The following SHOC1 variants were observed in gnomAD, a reference collection of about 807,000 sequenced individuals.
SHOC1 encodes protein shortage in chiasmata 1 ortholog.
Under a neutral mutation model 179.2 loss-of-function variants are expected in SHOC1, and 136 were observed. The ratio of observed to expected loss-of-function variants is 0.76; its 90% CI spans 0.66 to 0.87. The LOEUF (loss-of-function observed/expected upper bound fraction) is 0.87. Among genes scored for constraint, SHOC1 ranks in the 40% least tolerant of loss-of-function variants. The pLI is 0.00. For missense variants in SHOC1, 1,538 were observed against 1,700.8 expected, an observed-to-expected ratio of 0.90 and a Z score of 1.68; for synonymous variants, 489 against 586.6, an observed-to-expected ratio of 0.83 and a Z score of 2.41.
chr9:111,767,191 T>G (rs1390464026), intron 5 of SHOC1, among the ~76,000 whole-genome samples: 1 of 152,230 alleles, frequency 6.6e-6, no homozygotes, highest in African/African-American at 2.4e-5. Flanking sequence ...GCTTTTTAGC[T>G]TGATGTAAAC....
chr9:111,759,528 C>G, intron 5 of SHOC1: 3 of 1,189,200 alleles, frequency 2.5e-6, no homozygotes, highest in Non-Finnish European at 3.1e-6. Flanking sequence ...TCTTGGCTAG[C>G]TGTCTAACAG....
rs1300044037 is a variant in SHOC1, at chr9:111,748,739, GCCTT to G, written c.863-544_863-541del. ...CCTATCCCTTTTTTATCTTTTGCCT[GCCTT>G]CCTTTTTTCCTTCCTTCCTTTCCTT... On this transcript the variant is annotated intron_variant, in intron 8 of 27. Transcript: ENST00000682961. Among the ~76,000 whole-genome samples the G allele has an allele frequency of 2.5e-5, 3 of 121,188 alleles. No homozygotes were observed. In the East Asian group the frequency reaches 7.9e-4, roughly 32 times the overall value. 79.5% of individuals were successfully genotyped at this position (121,188 alleles called of 152,430 possible). A position where few individuals can be genotyped will look rare whatever the true frequency, so the allele number is the denominator to read the frequency against.
At chr9:111,756,832 G>A (rs1834883043) in intron 7 of SHOC1, among the ~76,000 whole-genome samples, 1 of 152,138 alleles carries the variant, frequency 6.6e-6, no homozygotes, top group Admixed American at 6.5e-5. Context: ...GGTGAGAAGT[G>A]AAATGAGATC....
At chr9:111,735,044 C>T (rs1042237133) in intron 12 of SHOC1, among the ~76,000 whole-genome samples, 4 of 152,088 alleles carry the variant, frequency 2.6e-5, no homozygotes, top group Non-Finnish European at 5.9e-5. Flanking sequence ...ATGTTTAGCT[C>T]CCACTAGAAC....
intron 27 of SHOC1, 149 bp downstream of exon 27, chr9:111,691,402 A>G: frequency 1.5e-6 from 1 of 668,272 alleles, no homozygotes; most frequent in Non-Finnish European, 2.4e-6. Context: ...CATTTATTTT[A>G]GAGTTTAGAT....
intron 12 of SHOC1, among the ~76,000 whole-genome samples, chr9:111,731,847 T>C (rs1833585117): frequency 6.6e-6 from 1 of 152,170 alleles, no homozygotes; most frequent in African/African-American, 2.4e-5. Context: ...TAATAAATTA[T>C]GATAATTCTA....
intron 12 of SHOC1, among the ~76,000 whole-genome samples, chr9:111,729,578 A>G (rs1833470826): frequency 6.6e-6 from 1 of 152,176 alleles, no homozygotes. Flanking sequence ...GACAGCATTT[A>G]CCCAGAGTAG....
chr9:111,692,560 T>C, intron 26 of SHOC1, 49 bp from the exon 27 acceptor site: 1 of 1,366,734 alleles, frequency 7.3e-7, no homozygotes, highest in Non-Finnish European at 1.0e-6. Context: ...TAAATATAAA[T>C]AATGATGCTT....
At position 111,733,817 on chromosome 9, in the gene SHOC1, G is replaced by A. The variant is rs944048111; in HGVS notation, c.1417+4463C>T. Among the ~76,000 whole-genome samples the A allele has an allele frequency of 7.6e-4, 115 of 151,226 alleles. 1 individual carries two copies. The highest frequency in any genetic ancestry group is 5.3e-4 in the Admixed American group (8 of 15,194). ...CAGGAGGTAGAGGTTGCAGTGAGCTGAGATCACGCCAACCTGGGCAACAGA... is the reference window on the plus strand; with the variant it reads ...CAGGAGGTAGAGGTTGCAGTGAGCTAAGATCACGCCAACCTGGGCAACAGA... On this transcript the variant is annotated intron_variant, in intron 12 of 27. Transcript: ENST00000682961.
At chr9:111,716,381 CTTTTTTTTTTT>C (rs34548781) in intron 16 of SHOC1, among the ~76,000 whole-genome samples, 1 of 67,742 alleles carries the variant, frequency 1.5e-5, no homozygotes, top group Non-Finnish European at 2.6e-5. Context: ...TCTTTTCTCC[CTTTTTTTTTTT>C]TTTTTTTTTT....
chr9:111,712,819 T>G (rs1832614680), intron 18 of SHOC1, among the ~76,000 whole-genome samples: 1 of 152,194 alleles, frequency 6.6e-6, no homozygotes, highest in South Asian at 2.1e-4. Context: ...TTCATAGAAT[T>G]GTAAGTAGCT....
chr9:111,705,692 T>G (rs1426787328), intron 20 of SHOC1, among the ~76,000 whole-genome samples: 1 of 152,034 alleles, frequency 6.6e-6, no homozygotes, highest in Admixed American at 6.6e-5. Context: ...AGGGTCATTC[T>G]CTACCTGAAA....
chr9:111,691,845 C>T lies in SHOC1; in HGVS notation c.4132G>A (p.Ala1378Thr). 6.2e-7 allele frequency: 1 copy of T among 1,613,580 alleles called. No homozygotes were observed. Among genetic ancestry groups the T allele is most frequent in the Non-Finnish European group, 8.5e-7 (1 of 1,179,828 alleles). ...AATTTGTTACATGCAGTCTGCTGTG[C>T]ACCATATTGTAAGTTGAACGGGTGA... is the stretch of plus-strand genomic sequence containing the variant. ...ENHPFNLQYG[A>T]QQTACNKLYS... Residue 1378 changes from alanine (A) to threonine (T), a missense_variant, in exon 27 of 28, where the codon GCA becomes ACA. By Grantham distance (58) the Ala-to-Thr change is moderately conservative (BLOSUM62 0). Transcript: ENST00000682961.
At chr9:111,706,230 C>T (rs1832266519) in intron 20 of SHOC1, among the ~76,000 whole-genome samples, 1 of 152,088 alleles carries the variant, frequency 6.6e-6, no homozygotes, top group Non-Finnish European at 1.5e-5. Flanking sequence ...CATACTATTA[C>T]ACAACTGTCC....
intron 27 of SHOC1, among the ~76,000 whole-genome samples, chr9:111,689,572 A>T (rs1831335047): frequency 6.6e-6 from 1 of 151,444 alleles, no homozygotes; most frequent in Non-Finnish European, 1.5e-5. Flanking sequence ...TAAACAATGT[A>T]TTTGGAGGTA....
intron 18 of SHOC1, among the ~76,000 whole-genome samples, chr9:111,712,019 T>C (rs1832575224): frequency 1.3e-5 from 2 of 152,112 alleles, no homozygotes; most frequent in South Asian, 4.1e-4. Context: ...AAGTAGCTAG[T>C]GGATTATAGA....
chr9:111,771,890 T>C (rs886541579), intron 5 of SHOC1, among the ~76,000 whole-genome samples: 4 of 152,128 alleles, frequency 2.6e-5, no homozygotes, highest in Non-Finnish European at 5.9e-5. Flanking sequence ...TACCTTGGGG[T>C]AGTCTTATTT....
chr9:111,734,313 TAAAG>T (rs1423791716), intron 12 of SHOC1, among the ~76,000 whole-genome samples: 2 of 152,302 alleles, frequency 1.3e-5, no homozygotes, highest in East Asian at 1.9e-4. Flanking sequence ...CAAATCACAA[TAAAG>T]ACTTTACATA....
At chr9:111,772,159 C>T (rs62572576) in intron 5 of SHOC1, among the ~76,000 whole-genome samples, 3,614 of 152,040 alleles carry the variant, frequency 0.024, 83 homozygotes, top group South Asian at 0.046. Flanking sequence ...ACTGATTCTT[C>T]CCTCTGGTTG....
Sources: gnomAD v4.1 joint callset for allele counts (sites outside exome capture counted in the v4.1 genomes callset) on GRCh38, gnomAD v4.1.1 for gene constraint, MANE v1.5 for transcripts, NCBI Gene and HGNC (gene_info 2026-07-23, HGNC 2026-07-21) for gene names.